E4F1: variants seen among roughly 807,000 people sequenced by gnomAD.
E4F1 encodes transcription factor E4F1.
A neutral mutation model predicts 72.9 loss-of-function variants in E4F1; 30 were observed. That is an observed-to-expected ratio of 0.41 (90% CI 0.31 to 0.56). The LOEUF is 0.56. Among genes scored for constraint, E4F1 ranks in the 20% least tolerant of loss-of-function variants. The pLI is 0.25. For synonymous variants in E4F1, 542 were observed against 478.2 expected (o/e 1.13, Z -1.74); for missense variants, 1,091 against 1,117.5 (o/e 0.98, Z 0.34).
Position 2,232,818 on chromosome 16 carries a change from C to G in E4F1, c.793C>G (p.Arg265Gly). ...KSFRESGALT[R>G]HLKSLTPCTE... The stretch of plus-strand genomic sequence containing the variant: ...CTTCCGGGAGTCGGGTGCACTGACC[C>G]GGCACCTCAAGTCTCTCACCCCCTG... The change falls in exon 6 of 14, where the codon CGG becomes GGG. Residue 265 changes from arginine to glycine, a missense_variant. Arg to Gly is a moderately radical substitution (Grantham distance 125). Transcript: ENST00000301727. 6.2e-7 allele frequency: 1 copy of G among 1,613,452 alleles called. No homozygotes were observed. Among genetic ancestry groups the G allele is most frequent in the East Asian group, 2.2e-5 (1 of 44,882 alleles).
rs748369000 is a variant in E4F1, at chr16:2,232,757, T to G, written c.732T>G (p.Asp244Glu). 2 of 1,613,102 alleles carry G rather than the reference T, an allele frequency of 1.2e-6. No homozygotes were observed. Among genetic ancestry groups the G allele is most frequent in the Non-Finnish European group, 1.7e-6 (2 of 1,179,976 alleles). Residue 244 changes from aspartate (D) to glutamate (E), a missense_variant and splice_region_variant, in exon 6 of 14, where the codon GAT becomes GAG. Transcript: ENST00000301727. Reference protein sequence around the residue: ...SLIRHHRRHTDERPYKCSKCG... With the variant: ...SLIRHHRRHTEERPYKCSKCG... ...GGGCTGACTAGGTTCTCTCTGCAGA[T>G]GAGCGCCCCTACAAGTGCTCCAAGT...
At position 2,234,771 on chromosome 16, in the gene E4F1, G is replaced by A; in HGVS notation, c.1782G>A (p.Leu594=). The change falls in exon 11 of 14, where the codon CTG becomes CTA. Residue 594 remains leucine, a synonymous_variant. Coordinates refer to ENST00000301727, the MANE Select transcript of E4F1 (RefSeq NM_004424.5). ...FAEHGTLNRH[L]RTKGGCLLEV... is the part of the protein sequence containing the mutation. ...AGCACGGCACGCTGAACCGGCACCT[G>A]CGCACCAAAGGTCTGGGCCGGTGGA... 1 of 1,544,940 alleles carries A rather than the reference G, an allele frequency of 6.5e-7. No individual in the cohort carries two copies. Among genetic ancestry groups the A allele is most frequent in the African/African-American group, 1.4e-5 (1 of 73,010 alleles).
rs1292533742 is a variant in E4F1, at chr16:2,233,641, G to A, written c.1260G>A (p.Leu420=). The A allele has an allele frequency of 3.0e-5, 45 of 1,523,582 alleles. No homozygotes were observed. The highest frequency in any genetic ancestry group is 3.6e-5 in the Non-Finnish European group (41 of 1,135,596). 94.4% of individuals were successfully genotyped at this position (1,523,582 alleles called of 1,614,324 possible). A position where few individuals can be genotyped will look rare whatever the true frequency, so the allele number is the denominator to read the frequency against. Residue 420 remains leucine (L), a synonymous_variant, in exon 8 of 14, where the codon CTG becomes CTA. Transcript: ENST00000301727. ...TGCCGGTACTGGAAGTGCAGCCGCT[G>A]GAGACAGTAGGTGCCAGCACCACCT... ...PQLPVLEVQP[L]ETQVASEASA... is the part of the protein sequence containing the mutation.
intron 5 of E4F1, 83 bp from the exon 6 acceptor site, chr16:2,232,672 GC>G: frequency 1.9e-6 from 3 of 1,606,360 alleles, no homozygotes; most frequent in Non-Finnish European, 1.7e-6. Flanking sequence ...GGGGGATGAG[GC>G]GGGGGCCCCT....
chr16:2,233,259 G>A, intron 7 of E4F1, 76 bp downstream of exon 7: 1 of 1,519,436 alleles, frequency 6.6e-7, no homozygotes, highest in Non-Finnish European at 8.8e-7. Context: ...CTGGGCACTG[G>A]CTCCAGGGGT....
chr16:2,232,651 T>C lies in E4F1; in HGVS notation c.730+75T>C. On this transcript the variant is annotated intron_variant, in intron 5 of 13. Coordinates refer to ENST00000301727, the MANE Select transcript of E4F1 (RefSeq NM_004424.5). ...GCCCTGGGGTGCCCCAGCCTCGCAT[T>C]CCCCAGCTTTGGGGGATGAGGCGGG... 3.7e-6 allele frequency: 6 copies of C among 1,603,986 alleles called. 1 individual carries two copies. The South Asian group carries it at 6.6e-5, about 18-fold the overall frequency.
Position 2,233,443 on chromosome 16 carries a change from C to T in E4F1, c.1062C>T (p.Pro354=), listed in dbSNP as rs763160615. 2.3e-5 allele frequency: 34 copies of T among 1,509,854 alleles called. No homozygotes were observed. The highest frequency in any genetic ancestry group is 4.0e-5 in the South Asian group (3 of 75,642). 93.5% of individuals were successfully genotyped at this position (1,509,854 alleles called of 1,614,324 possible). ...TCTCTCTGCCTCCCCTGCAGCCCCC[C>T]GTCTCCCAGGAGCTCCCCTGCTCCA... The part of the protein sequence containing the change: ...LGMKALAPEP[P]VSQELPCSSE... Residue 354 remains proline (P), a synonymous_variant, in exon 8 of 14, where the codon CCC becomes CCT. Transcript: ENST00000301727.
In E4F1 at chr16:2,234,278, G is replaced by A. The variant is rs1347156419; in HGVS notation, c.1483G>A (p.Asp495Asn). The change falls in exon 10 of 14, where the codon GAC becomes AAC. Residue 495 changes from aspartate (D) to asparagine (N), a missense_variant. By Grantham distance (23) the Asp-to-Asn change is conservative. This residue lies in a region of E4F1 where 622 missense variants were observed against 628.0 expected (regional missense o/e 0.99). Transcript: ENST00000301727. ...HVRERRFRCG[D>N]CGKLYKTIAH... The stretch of plus-strand genomic sequence containing the variant: ...GCGTGAGCGCCGCTTCCGCTGTGGC[G>A]ACTGCGGGAAGCTCTACAAGACCAT... The A allele has an allele frequency of 3.1e-6, 5 of 1,612,952 alleles. No individual in the cohort carries two copies. Among genetic ancestry groups the A allele is most frequent in the Non-Finnish European group, 3.4e-6 (4 of 1,179,994 alleles).
intron 3 of E4F1, chr16:2,231,959 A>G: frequency 1.6e-6 from 1 of 607,232 alleles, no homozygotes; most frequent in Non-Finnish European, 2.9e-6. Context: ...GGGCAGCCTG[A>G]CAGAGTCGGG....
chr16:2,225,791 G>GAAA (rs766755916), intron 1 of E4F1, among the ~76,000 whole-genome samples: 3 of 64,974 alleles, frequency 4.6e-5, no homozygotes, highest in East Asian at 5.0e-4. Flanking sequence ...CTCTGTTTAG[G>GAAA]AAAAAAAAAA....
Position 2,234,216 on chromosome 16 carries a change from A to T in E4F1, c.1421A>T (p.Lys474Met). 3.7e-6 allele frequency: 6 copies of T among 1,612,772 alleles called. No homozygotes were observed. Among genetic ancestry groups the T allele is most frequent in the Non-Finnish European group, 5.1e-6 (6 of 1,179,932 alleles). ...GCGCAGTGTGGCAAGGCCTTCCCCAAGGCCTACCTGCTCAAGAAGCACCAG... is the reference window on the plus strand; with the variant it reads ...GCGCAGTGTGGCAAGGCCTTCCCCATGGCCTACCTGCTCAAGAAGCACCAG... ...ACAQCGKAFP[K>M]AYLLKKHQEV... Residue 474 changes from lysine (K) to methionine (M), a missense_variant, in exon 10 of 14, where the codon AAG becomes ATG. Physicochemically the swap from Lys to Met is moderately conservative, Grantham distance 95. Transcript: ENST00000301727.
At chr16:2,231,066 G>T (rs1421595411) in intron 3 of E4F1, 1 of 152,416 alleles carries the variant, frequency 6.6e-6, no homozygotes, top group African/African-American at 2.4e-5. Flanking sequence ...TGGGTACTCT[G>T]TGTGTGCCCT....
At chr16:2,228,656 G>T (rs2093447228) in intron 2 of E4F1, 133 bp downstream of exon 2, 2 of 1,199,280 alleles carry the variant, frequency 1.7e-6, no homozygotes, top group African/African-American at 3.0e-5. Context: ...GCACCTGGCT[G>T]CGGTGTGGGA....
Position 2,232,306 on chromosome 16 carries a change from T to A in E4F1, c.551T>A (p.Leu184Gln). ...AGEGEQAQVK[L>Q]LVNKDGRYVC... is the part of the protein sequence containing the mutation. ...GAGGGTGAGCAGGCCCAGGTGAAGC[T>A]ACTGGTGAACAAGGATGGCCGCTAT... The change falls in exon 4 of 14, where the codon CTA becomes CAA. Residue 184 changes from leucine to glutamine, a missense_variant. Physicochemically the swap from Leu to Gln is moderately radical, Grantham distance 113 (BLOSUM62 -2). This residue lies in a region of E4F1 where 362 missense variants were observed against 358.6 expected (regional missense o/e 1.01). Transcript: ENST00000301727. 6.2e-7 allele frequency: 1 copy of A among 1,610,968 alleles called. No individual in the cohort carries two copies. Among genetic ancestry groups the A allele is most frequent in the South Asian group, 1.1e-5 (1 of 90,788 alleles).
chr16:2,226,782 G>T (rs1042025186), intron 1 of E4F1, among the ~76,000 whole-genome samples: 3 of 152,236 alleles, frequency 2.0e-5, no homozygotes, highest in Admixed American at 2.0e-4. Context: ...CCCCAGTGAG[G>T]TGCTTGGCAC....
intron 2 of E4F1, among the ~76,000 whole-genome samples, chr16:2,229,335 G>T (rs1243173729): frequency 6.6e-6 from 1 of 152,210 alleles, no homozygotes; most frequent in Admixed American, 6.5e-5. Context: ...GTGGCCAGAG[G>T]TGTGAGAGTG....
At chr16:2,224,659 TGGCGGGC>T (rs2093420829) in intron 1 of E4F1, among the ~76,000 whole-genome samples, 1 of 151,850 alleles carries the variant, frequency 6.6e-6, no homozygotes, top group South Asian at 2.1e-4. Flanking sequence ...CCGGGCGTGG[TGGCGGGC>T]GCCTGTAGTG....
chr16:2,223,780 C>A lies in E4F1; in HGVS notation c.157+10C>A. 6.5e-7 allele frequency: 1 copy of A among 1,536,056 alleles called. No homozygotes were observed. Among genetic ancestry groups the A allele is most frequent in the Non-Finnish European group, 8.7e-7 (1 of 1,151,468 alleles). On this transcript the variant is annotated intron_variant, in intron 1 of 13. Transcript: ENST00000301727. ...CCCTTCAGCGAGGAAGGTAACCGGGCCGACCCGGAGGGTGCGGCCGGGGTG... is the reference window on the plus strand; with the variant it reads ...CCCTTCAGCGAGGAAGGTAACCGGGACGACCCGGAGGGTGCGGCCGGGGTG...
At chr16:2,232,639 C>G in intron 5 of E4F1, 63 bp downstream of exon 5, 1 of 1,604,178 alleles carries the variant, frequency 6.2e-7, no homozygotes. Context: ...CTGGGGTGCC[C>G]CAGCCTCGCA....
Sources: allele counts gnomAD v4.1 joint callset (sites outside exome capture counted in the v4.1 genomes callset), GRCh38; gene constraint gnomAD v4.1.1; regional missense constraint gnomAD v4.1.1; transcripts MANE v1.5; gene names NCBI Gene and HGNC (gene_info 2026-07-23, HGNC 2026-07-21).